Variants in MTIF2 observed in about 807,000 individuals in gnomAD.
The protein encoded by MTIF2 is translation initiation factor IF-2, mitochondrial.
Under a neutral mutation model 83.5 loss-of-function variants are expected in MTIF2, and 71 were observed. That is an observed-to-expected ratio of 0.85 (90% CI 0.70 to 1.04). MTIF2 has a LOEUF of 1.04. MTIF2 is among the 50% of genes least tolerant of loss of function. MTIF2 has a pLI of 0.00. For synonymous variants in MTIF2, 319 were observed against 287.1 expected (o/e 1.11, Z -1.12); for missense variants, 957 against 846.5 (o/e 1.13, Z -1.62).
intron 5 of MTIF2, among the ~76,000 whole-genome samples, chr2:55,261,073 G>A (rs1677935456): frequency 6.6e-6 from 1 of 151,362 alleles, no homozygotes; most frequent in African/African-American, 2.4e-5. Context: ...TGCAAGCTCC[G>A]CCTCCACGGT....
chr2:55,254,065 T>C lies in MTIF2; in HGVS notation c.640A>G (p.Thr214Ala). Residue 214 changes from threonine to alanine, a missense_variant, in exon 7 of 16, where the codon ACT (threonine) becomes GCT (alanine). Thr to Ala is a moderately conservative substitution (Grantham distance 58, BLOSUM62 0). Around this residue, in one of 3 missense-constraint regions of MTIF2, gnomAD observed 733 missense variants for 648.7 expected, o/e 1.13. Transcript: ENST00000263629. The stretch of plus-strand genomic sequence containing the variant: ...CCAAGAAAGGCACCAATGTGCTGAG[T>C]GATGCCTCCAGTTTCCACTGCTGCC... Reference protein sequence around the residue: ...QVAAVETGGITQHIGAFLVSL... With the variant: ...QVAAVETGGIAQHIGAFLVSL... 6.2e-7 allele frequency: 1 copy of C among 1,614,212 alleles called. No homozygotes were observed. The highest frequency in any genetic ancestry group is 8.5e-7 in the Non-Finnish European group (1 of 1,180,030).
rs1676464350 is a variant in MTIF2 at position 55,243,408 on chromosome 2, A to G, written c.1564+8T>C. ...ATGAACTGTAATGTAAAATCTTTAA[A>G]AAGATACCTTTAATAATCACAGAAA... On this transcript the variant is annotated splice_region_variant and intron_variant, in intron 12 of 15. Transcript: ENST00000263629. The G allele has an allele frequency of 6.3e-7, 1 of 1,589,610 alleles. No homozygotes were observed. The highest frequency in any genetic ancestry group is 8.6e-7 in the Non-Finnish European group (1 of 1,165,346).
rs111955161 is a variant in MTIF2, at chr2:55,244,917, C to T, written c.1107-684G>A. The stretch of plus-strand genomic sequence containing the variant: ...CAAAAATTAGCTGAGTGTGGTGGCA[C>T]GCGCCTACAGTCCCAGCTACTCGGG... On this transcript the variant is annotated intron_variant, in intron 10 of 15. Transcript: ENST00000263629. Among the ~76,000 whole-genome samples the T allele has an allele frequency of 5.9e-5, 9 of 152,004 alleles. No homozygotes were observed. In the East Asian group the frequency reaches 9.7e-4, roughly 16 times the overall value.
At chr2:55,256,644 T>C (rs1022522169) in intron 5 of MTIF2, among the ~76,000 whole-genome samples, 16 of 149,246 alleles carry the variant, frequency 1.1e-4, no homozygotes. Context: ...GAGGTTGAAG[T>C]AAGCCGAGAT....
Position 55,249,399 on chromosome 2 carries a change from A to C in MTIF2, c.977T>G (p.Leu326Arg). ...GDVQAVPVSA[L>R]TGDNLMALAE... ...ATATGAGGTCCCCGCATTTACCGTA[A>C]GTGCGGAGACAGGCACTGCTTGAAC... The change falls in exon 9 of 16, where the codon CTT becomes CGT. Residue 326 changes from leucine (L) to arginine (R), a missense_variant. Physicochemically the swap from Leu to Arg is moderately radical, Grantham distance 102. This residue lies in a region of MTIF2 where 733 missense variants were observed against 648.7 expected (regional missense o/e 1.13). Coordinates refer to ENST00000263629, the MANE Select transcript of MTIF2 (RefSeq NM_002453.3). 1 of 1,613,950 alleles carries C rather than the reference A, an allele frequency of 6.2e-7. No homozygotes were observed. Among genetic ancestry groups the C allele is most frequent in the South Asian group, 1.1e-5 (1 of 91,012 alleles).
intron 6 of MTIF2, 105 bp downstream of exon 6, chr2:55,254,549 T>G: frequency 1.0e-6 from 1 of 969,280 alleles, no homozygotes; most frequent in Non-Finnish European, 1.5e-6. Flanking sequence ...TACACACATA[T>G]CTTTATTACA....
At chr2:55,262,713 T>C (rs1678116005) in intron 4 of MTIF2, among the ~76,000 whole-genome samples, 1 of 75,734 alleles carries the variant, frequency 1.3e-5, no homozygotes, top group Non-Finnish European at 3.5e-5. Context: ...CAGCTAATTT[T>C]TGTATTTTTT....
intron 14 of MTIF2, 118 bp from the exon 15 acceptor site, chr2:55,237,546 G>GA (rs1399863160): frequency 6.6e-6 from 6 of 905,342 alleles, no homozygotes; most frequent in South Asian, 3.6e-5. Context: ...TTCATGCCTA[G>GA]AAAAAAGTCT....
At chr2:55,260,535 T>C (rs1330764303) in intron 5 of MTIF2, among the ~76,000 whole-genome samples, 1 of 152,092 alleles carries the variant, frequency 6.6e-6, no homozygotes, top group Non-Finnish European at 1.5e-5. Flanking sequence ...ATTTACAAAA[T>C]AATTATTGAA....
chr2:55,249,294 A>T, intron 9 of MTIF2, 101 bp downstream of exon 9: 2 of 1,453,426 alleles, frequency 1.4e-6, no homozygotes, highest in Non-Finnish European at 1.8e-6. Context: ...TAAAAACAAC[A>T]CAAATTATGT....
At chr2:55,250,818 C>G (rs896989820) in intron 8 of MTIF2, among the ~76,000 whole-genome samples, 4 of 151,962 alleles carry the variant, frequency 2.6e-5, no homozygotes, top group Admixed American at 6.6e-5. Flanking sequence ...CGTACTATTA[C>G]GAAAAAGTAC....
chr2:55,248,886 G>C (rs899554916), intron 9 of MTIF2, among the ~76,000 whole-genome samples: 1 of 152,048 alleles, frequency 6.6e-6, no homozygotes, highest in Non-Finnish European at 1.5e-5. Context: ...TTGTAATCTC[G>C]GTGCTTTGGG....
Position 55,254,168 on chromosome 2 carries a change from C to A in MTIF2, c.537G>T (p.Arg179Ser). Residue 179 changes from arginine to serine, a missense_variant, in exon 7 of 16, where the codon AGG becomes AGT. Coordinates refer to ENST00000263629, the MANE Select transcript of MTIF2 (RefSeq NM_002453.3). ...GGCCCATTATAGTAACAACTGGGGA[C>A]CTTGGGGTTAATAAAGCTGGATCTG... ...PQADPALLTP[R>S]SPVVTIMGHV... 6.2e-7 allele frequency: 1 copy of A among 1,613,886 alleles called. No individual in the cohort carries two copies. The highest frequency in any genetic ancestry group is 8.5e-7 in the Non-Finnish European group (1 of 1,179,942).
At chr2:55,259,262 T>G (rs1437523395) in intron 5 of MTIF2, among the ~76,000 whole-genome samples, 1 of 152,318 alleles carries the variant, frequency 6.6e-6, no homozygotes, top group African/African-American at 2.4e-5. Flanking sequence ...TGTACTCATA[T>G]CGCTAATGTA....
chr2:55,262,517 A>C, intron 4 of MTIF2, 90 bp from the exon 5 acceptor site: 1 of 669,130 alleles, frequency 1.5e-6, no homozygotes, highest in Non-Finnish European at 2.6e-6. Flanking sequence ...CCACAATCAT[A>C]GCTACATTTC....
rs1454647473 is a variant in MTIF2 at position 55,256,955 on chromosome 2, C to T, written c.332-2130G>A. Among the ~76,000 whole-genome samples, 8 of 152,016 alleles carry T rather than the reference C, an allele frequency of 5.3e-5. No individual in the cohort carries two copies. The South Asian group carries it at 6.2e-4, about 12-fold the overall frequency. Reference sequence around the variant, plus strand: ...CGAGCAATTCTCCCACCTTGGCCTCCGAAAGTTCTGGAATTACAGGTGTAA... The same window carrying T: ...CGAGCAATTCTCCCACCTTGGCCTCTGAAAGTTCTGGAATTACAGGTGTAA... On this transcript the variant is annotated intron_variant, in intron 5 of 15. Coordinates refer to ENST00000263629, the MANE Select transcript of MTIF2 (RefSeq NM_002453.3).
chr2:55,262,541 C>CTTTT (rs66500251), intron 4 of MTIF2, 114 bp from the exon 5 acceptor site: 93 of 284,998 alleles, frequency 3.3e-4, no homozygotes, highest in Middle Eastern at 1.1e-3. Flanking sequence ...CTTTTTTTTT[C>CTTTT]TTTTTTTTTT....
rs373178975 is a variant in MTIF2 at position 55,246,479 on chromosome 2, G to A, written c.982-18C>T. The A allele has an allele frequency of 9.9e-5, 159 of 1,601,966 alleles. No homozygotes were observed. Among genetic ancestry groups the A allele is most frequent in the Non-Finnish European group, 1.3e-4 (153 of 1,169,624 alleles). Reference sequence around the variant, plus strand: ...TTATCGCCCTTTAACAATAACAAACGTTGTTAATACACATTAATAAATATT... The same window carrying A: ...TTATCGCCCTTTAACAATAACAAACATTGTTAATACACATTAATAAATATT... On this transcript the variant is annotated intron_variant, in intron 9 of 15. Transcript: ENST00000263629.
At chr2:55,267,298 A>T (rs185182896) in intron 3 of MTIF2, among the ~76,000 whole-genome samples, 3 of 152,110 alleles carry the variant, frequency 2.0e-5, no homozygotes, top group Admixed American at 2.0e-4. Context: ...CTGGGATTAC[A>T]GGTGCCTGCC....
Sources: allele counts gnomAD v4.1 joint callset (sites outside exome capture counted in the v4.1 genomes callset), GRCh38; gene constraint gnomAD v4.1.1; regional missense constraint gnomAD v4.1.1; transcripts MANE v1.5; gene names NCBI Gene and HGNC (gene_info 2026-07-23, HGNC 2026-07-21).